Variants in CALN1 observed in about 807,000 individuals in gnomAD.
CALN1 encodes the protein calneuron 1, also known as calcium-binding protein 8.
A neutral mutation model predicts 30.6 loss-of-function variants in CALN1; 17 were observed. That is an observed-to-expected ratio of 0.56 (90% CI 0.38 to 0.83). The LOEUF (loss-of-function observed/expected upper bound fraction) is 0.83. CALN1 is among the 40% of genes least tolerant of loss of function. The pLI, the probability that CALN1 is intolerant of heterozygous loss-of-function variation, is 0.00. For synonymous variants in CALN1, 156 were observed against 131.4 expected, an observed-to-expected ratio of 1.19 and a Z score of -1.28; for missense variants, 291 against 354.9, an observed-to-expected ratio of 0.82 and a Z score of 1.45.
intron 2 of CALN1, among the ~76,000 whole-genome samples, chr7:72,400,459 A>T (rs978999168): frequency 6.6e-6 from 1 of 152,168 alleles, no homozygotes; most frequent in Admixed American, 6.5e-5. Context: ...TGATGAGCTA[A>T]ATTTTGAACC....
At chr7:72,287,439 T>C (rs1015639276) in intron 2 of CALN1, among the ~76,000 whole-genome samples, 1 of 115,466 alleles carries the variant, frequency 8.7e-6, no homozygotes, top group African/African-American at 3.4e-5. Context: ...AAATTAATTT[T>C]TTTTTTTTTT....
At chr7:72,457,974 T>C in the CALN1 span, among the ~76,000 whole-genome samples, 5 of 150,796 alleles carry the variant, frequency 3.3e-5, no homozygotes, top group Non-Finnish European at 7.4e-5. Context: ...CGGGCTGGTC[T>C]CAAATTCCTG....
intron 2 of CALN1, among the ~76,000 whole-genome samples, chr7:72,327,837 G>A (rs944073073): frequency 5.9e-5 from 9 of 152,132 alleles, no homozygotes; most frequent in Admixed American, 5.9e-4. Flanking sequence ...TCCTAGTTAT[G>A]TGTTCAAATT....
chr7:72,418,219 T>C (rs150674558), intron 1 of CALN1, among the ~76,000 whole-genome samples: 4 of 152,174 alleles, frequency 2.6e-5, no homozygotes, highest in African/African-American at 9.6e-5. Context: ...CATGCAGTAT[T>C]TGGTTTTCTG....
At chr7:72,218,188 C>T (rs1485127400) in intron 3 of CALN1, among the ~76,000 whole-genome samples, 1 of 151,696 alleles carries the variant, frequency 6.6e-6, no homozygotes, top group South Asian at 2.1e-4. Flanking sequence ...GTGGCTCATG[C>T]TTGCAATGCC....
At chr7:72,426,310 T>C (rs1165714371) in intron 1 of CALN1, among the ~76,000 whole-genome samples, 1 of 152,186 alleles carries the variant, frequency 6.6e-6, no homozygotes, top group African/African-American at 2.4e-5. Flanking sequence ...ATTTTAATCC[T>C]TAGGTGTTGA....
At chr7:72,194,841 C>T (rs972208805) in intron 3 of CALN1, among the ~76,000 whole-genome samples, 11 of 152,008 alleles carry the variant, frequency 7.2e-5, no homozygotes, top group African/African-American at 2.2e-4. Flanking sequence ...CCATCTGTCT[C>T]GGCCTCCCAA....
At chr7:72,163,217 C>T (rs1788245738) in intron 3 of CALN1, among the ~76,000 whole-genome samples, 1 of 151,734 alleles carries the variant, frequency 6.6e-6, no homozygotes, top group African/African-American at 2.4e-5. Context: ...GAATCAAGGA[C>T]AAAATAGAAA....
chr7:72,328,106 TTTC>T (rs1285961917), intron 2 of CALN1, among the ~76,000 whole-genome samples: 3 of 141,918 alleles, frequency 2.1e-5, no homozygotes, highest in African/African-American at 8.7e-5. Context: ...TAGCTTTTAA[TTTC>T]TTTTTTTAAA....
intron 3 of CALN1, among the ~76,000 whole-genome samples, chr7:72,276,320 G>A (rs1797330180): frequency 6.6e-6 from 1 of 152,156 alleles, no homozygotes; most frequent in African/African-American, 2.4e-5. Flanking sequence ...CCCATAGGTA[G>A]GAAAAGCCTG....
At chr7:71,905,654 T>C (rs1794093370) in intron 5 of CALN1, among the ~76,000 whole-genome samples, 1 of 152,020 alleles carries the variant, frequency 6.6e-6, no homozygotes, top group African/African-American at 2.4e-5. Context: ...AGATAAACTC[T>C]ATAAAGATTC....
chr7:72,220,043 G>T (rs1418651378), intron 3 of CALN1, among the ~76,000 whole-genome samples: 31 of 150,726 alleles, frequency 2.1e-4, no homozygotes, highest in African/African-American at 6.3e-4. Context: ...AATTTTTTTT[G>T]TTTTATTATT....
intron 2 of CALN1, among the ~76,000 whole-genome samples, chr7:72,332,212 C>T (rs1585515102): frequency 6.6e-6 from 1 of 152,166 alleles, no homozygotes; most frequent in East Asian, 1.9e-4. Context: ...TAGAGCAGGG[C>T]TATTCCCTAG....
intron 3 of CALN1, among the ~76,000 whole-genome samples, chr7:72,269,216 ATTT>A (rs1245301583): frequency 7.2e-5 from 11 of 152,074 alleles, no homozygotes; most frequent in Non-Finnish European, 1.5e-4. Context: ...ATTTTATTTT[ATTT>A]TATTATACTT....
intron 3 of CALN1, among the ~76,000 whole-genome samples, chr7:72,111,856 T>A (rs1488629668): frequency 6.6e-6 from 1 of 152,142 alleles, no homozygotes; most frequent in South Asian, 2.1e-4. Flanking sequence ...GTTCAAGCAA[T>A]TTTCCTGCCT....
At chr7:72,230,302 C>T (rs552753761) in intron 3 of CALN1, among the ~76,000 whole-genome samples, 24 of 146,098 alleles carry the variant, frequency 1.6e-4, no homozygotes, top group African/African-American at 6.1e-4. Context: ...AACAGATCAG[C>T]CTGGGCAATG....
At chr7:72,181,697 G>C (rs777283881) in intron 3 of CALN1, among the ~76,000 whole-genome samples, 1 of 152,112 alleles carries the variant, frequency 6.6e-6, no homozygotes, top group Non-Finnish European at 1.5e-5. Context: ...GGCTGGTCTC[G>C]AACTCCTGAC....
At chr7:72,384,220 GTC>G (rs1180145731) in intron 2 of CALN1, among the ~76,000 whole-genome samples, 1 of 152,160 alleles carries the variant, frequency 6.6e-6, no homozygotes, top group Non-Finnish European at 1.5e-5. Flanking sequence ...ACATAAAACT[GTC>G]TCTGAGAAGT....
At chr7:72,342,514 A>G (rs1299428340) in intron 2 of CALN1, among the ~76,000 whole-genome samples, 24 of 152,216 alleles carry the variant, frequency 1.6e-4, no homozygotes, top group Admixed American at 1.6e-3. Context: ...TCAACATGGA[A>G]CAAAATGAAC....
Sources: allele counts gnomAD v4.1 joint callset (sites outside exome capture counted in the v4.1 genomes callset), GRCh38; gene constraint gnomAD v4.1.1; transcripts MANE v1.5; gene names NCBI Gene and HGNC (gene_info 2026-07-23, HGNC 2026-07-21).